RPS6KA2: variants seen among roughly 807,000 people sequenced by gnomAD.
RPS6KA2 encodes the protein ribosomal protein S6 kinase A2, also known as ribosomal protein S6 kinase alpha-2.
Under a neutral mutation model 91.8 loss-of-function variants are expected in RPS6KA2, and 42 were observed. That is an observed-to-expected ratio of 0.46 (90% confidence interval 0.36 to 0.59). The LOEUF (loss-of-function observed/expected upper bound fraction) is 0.59. Among genes scored for constraint, RPS6KA2 ranks in the 20% least tolerant of loss-of-function variants. RPS6KA2 has a pLI of 0.00. For missense variants in RPS6KA2, 798 were observed against 978.5 expected (o/e 0.82, Z 2.46); for synonymous variants, 414 against 393.6 (o/e 1.05, Z -0.61).
At chr6:166,714,103 A>C (rs895627968) in intron 2 of RPS6KA2, among the ~76,000 whole-genome samples, 4 of 152,192 alleles carry the variant, frequency 2.6e-5, no homozygotes, top group Non-Finnish European at 5.9e-5. Flanking sequence ...GTGATGAATT[A>C]TTCCTTCCTG....
chr6:166,732,973 C>T lies in RPS6KA2; in HGVS notation c.123+125227G>A, dbSNP rs538167798. 4.2e-3 allele frequency among the ~76,000 whole-genome samples: 634 copies of T among 152,178 alleles called. 4 individuals are homozygous for T. The highest frequency in any genetic ancestry group is 0.015 in the African/African-American group (611 of 41,512). ...ATGAGGAACCGGAGCGGCTGGGGTG[C>T]AGGGTGGGAGGCAGGGGTGCACACT... On this transcript the variant is annotated intron_variant, in intron 2 of 21. Transcript: ENST00000503859. This position sits in a 1 kb window ranked among gnomAD's most constrained non-coding sequence, Gnocchi z 4.0.
In RPS6KA2 at chr6:166,430,603, A is replaced by T. The variant is rs759186088; in HGVS notation, c.1431T>A (p.Asp477Glu). The change falls in exon 16 of 21, where the codon GAT becomes GAA. Residue 477 changes from aspartate to glutamate, a missense_variant. Coordinates refer to ENST00000265678, the MANE Select transcript of RPS6KA2 (RefSeq NM_021135.6). Reference protein sequence around the residue: ...PNIITLKDVYDDGKFVYLVME... With the variant: ...PNIITLKDVYEDGKFVYLVME... ...TTACCAGGTACACAAACTTGCCATC[A>T]TCATAGACCTGCGGAGTGGAGAAGG... The T allele has an allele frequency of 6.2e-7, 1 of 1,612,986 alleles. No individual in the cohort carries two copies. Among genetic ancestry groups the T allele is most frequent in the Non-Finnish European group, 8.5e-7 (1 of 1,179,328 alleles).
chr6:166,840,087 C>A (rs907030947), intron 2 of RPS6KA2, among the ~76,000 whole-genome samples: 6 of 151,950 alleles, frequency 3.9e-5, no homozygotes, highest in Admixed American at 1.3e-4. Context: ...TGAAAGTGAA[C>A]ACTGGAAACT....
At chr6:166,516,872 C>G (rs1360624832) in intron 3 of RPS6KA2, among the ~76,000 whole-genome samples, 1 of 152,216 alleles carries the variant, frequency 6.6e-6, no homozygotes, top group African/African-American at 2.4e-5. Flanking sequence ...GGTTCCTACT[C>G]CATCTTGCCA....
At chr6:166,777,998 C>T (rs956696594) in intron 2 of RPS6KA2, among the ~76,000 whole-genome samples, 2 of 152,172 alleles carry the variant, frequency 1.3e-5, no homozygotes, top group African/African-American at 4.8e-5. Flanking sequence ...TTTCCAAAGT[C>T]AATCTGTAAA....
intron 2 of RPS6KA2, among the ~76,000 whole-genome samples, chr6:166,831,001 A>G (rs1336279657): frequency 1.3e-5 from 2 of 152,140 alleles, no homozygotes; most frequent in Non-Finnish European, 2.9e-5. Flanking sequence ...TTCTTCTGCA[A>G]CGAAGGCCTC....
intron 2 of RPS6KA2, among the ~76,000 whole-genome samples, chr6:166,723,577 C>T (rs1484279213): frequency 2.6e-5 from 4 of 152,150 alleles, no homozygotes; most frequent in South Asian, 2.1e-4. Context: ...CAAACAGAAG[C>T]GAGGGCACTG....
chr6:166,560,192 A>G (rs1392333243), intron 1 of RPS6KA2, among the ~76,000 whole-genome samples: 1 of 152,216 alleles, frequency 6.6e-6, no homozygotes, highest in Non-Finnish European at 1.5e-5. Context: ...TAAGCTGGGC[A>G]TGCATTTCTG....
In RPS6KA2 at chr6:166,589,033, T is replaced by C. The variant is rs561032037; in HGVS notation, c.99+37888A>G. ...CCCCCGCAGAAAAGGAGGAAGAAGC[T>C]CTAAGCCCTTGATGAGTCAGAGCTG... On this transcript the variant is annotated intron_variant, in intron 1 of 20. Transcript: ENST00000265678. 6.4e-4 allele frequency among the ~76,000 whole-genome samples: 98 copies of C among 152,270 alleles called. 1 individual carries two copies. The South Asian group carries it at 0.02, about 31-fold the overall frequency.
rs1468963992 is a variant in RPS6KA2 at position 166,449,811 on chromosome 6, CATGGGA to C, written c.1207-968_1207-963del. The stretch of plus-strand genomic sequence containing the variant: ...CCATGGGAGCCACCACGGGGACCAC[CATGGGA>C]ACCACCACAGGGACCACCACGGGAC... On this transcript the variant is annotated intron_variant, in intron 13 of 20. Transcript: ENST00000265678. 5.5e-5 allele frequency among the ~76,000 whole-genome samples: 8 copies of C among 146,436 alleles called. No individual in the cohort carries two copies. In the South Asian group the frequency reaches 1.3e-3, roughly 24 times the overall value.
At chr6:166,440,771 T>C (rs894905245) in intron 14 of RPS6KA2, among the ~76,000 whole-genome samples, 8 of 152,242 alleles carry the variant, frequency 5.3e-5, no homozygotes, top group African/African-American at 1.9e-4. Flanking sequence ...GTTTCCAAAG[T>C]TGGTATACTA....
At chr6:166,593,711 G>A (rs1038218185) in intron 1 of RPS6KA2, among the ~76,000 whole-genome samples, 6 of 151,170 alleles carry the variant, frequency 4.0e-5, no homozygotes, top group South Asian at 4.2e-4. Flanking sequence ...GAGCTCTTAC[G>A]AATCAGTAAG....
At chr6:166,797,978 G>C (rs1779267876) in intron 2 of RPS6KA2, among the ~76,000 whole-genome samples, 1 of 152,140 alleles carries the variant, frequency 6.6e-6, no homozygotes, top group Non-Finnish European at 1.5e-5. Flanking sequence ...ACCTTGATTT[G>C]TTACACGGTG....
At chr6:166,522,755 C>T (rs937786085) in intron 3 of RPS6KA2, among the ~76,000 whole-genome samples, 3 of 152,160 alleles carry the variant, frequency 2.0e-5, no homozygotes, top group East Asian at 1.9e-4. Flanking sequence ...TAGTAAAAAA[C>T]GGACTTCCAC....
intron 2 of RPS6KA2, among the ~76,000 whole-genome samples, chr6:166,677,694 T>C (rs572996630): frequency 6.6e-6 from 1 of 152,378 alleles, no homozygotes; most frequent in South Asian, 2.1e-4. Context: ...GGAAGGAAGA[T>C]ATTTTTGGAT....
chr6:166,657,013 C>G (rs992506664), intron 2 of RPS6KA2, among the ~76,000 whole-genome samples: 1 of 152,116 alleles, frequency 6.6e-6, no homozygotes, highest in African/African-American at 2.4e-5. Flanking sequence ...AGAACCTGGT[C>G]GAGACCTTGA....
intron 2 of RPS6KA2, among the ~76,000 whole-genome samples, chr6:166,799,494 C>CATA (rs1487355599): frequency 6.6e-6 from 1 of 151,640 alleles, no homozygotes; most frequent in East Asian, 1.9e-4. Context: ...ATCACACTGG[C>CATA]ATAATATCCT....
intron 14 of RPS6KA2, among the ~76,000 whole-genome samples, chr6:166,443,550 C>T (rs1034547802): frequency 3.9e-5 from 6 of 152,184 alleles, no homozygotes; most frequent in Admixed American, 1.3e-4. Flanking sequence ...TGTCACAGGA[C>T]GTTTAAAGCG....
chr6:166,624,307 T>C (rs1442225785), intron 1 of RPS6KA2, among the ~76,000 whole-genome samples: 1 of 152,266 alleles, frequency 6.6e-6, no homozygotes, highest in Non-Finnish European at 1.5e-5. Flanking sequence ...ATGTTTCCTA[T>C]TATAAAACAA....
Sources: gnomAD v4.1 joint callset for allele counts (sites outside exome capture counted in the v4.1 genomes callset) on GRCh38, gnomAD v4.1.1 for gene constraint, Gnocchi (gnomAD v3.1) non-coding constraint, MANE v1.5 for transcripts, NCBI Gene and HGNC (gene_info 2026-07-23, HGNC 2026-07-21) for gene names.